The following LOC400499 variants were observed in gnomAD, a reference collection of about 807,000 sequenced individuals.
At chr16:11,396,755 C>T in the LOC400499 span, 35 of 1,150,004 alleles carry the variant, frequency 3.0e-5, no homozygotes, top group Non-Finnish European at 3.8e-5. Flanking sequence ...ACCGAGAATG[C>T]AGCAGCAGCT....
chr16:11,449,981 G>C, the LOC400499 span, among the ~76,000 whole-genome samples: 1 of 152,226 alleles, frequency 6.6e-6, no homozygotes, highest in Non-Finnish European at 1.5e-5. Flanking sequence ...TCCTGTCTTG[G>C]CATCCTCTGT....
At chr16:11,484,294 A>G in the LOC400499 span, among the ~76,000 whole-genome samples, 1 of 152,052 alleles carries the variant, frequency 6.6e-6, no homozygotes, top group African/African-American at 2.4e-5. Context: ...GGCGTGAGCC[A>G]CTACGCCCGG....
At chr16:11,448,466 C>T in the LOC400499 span, among the ~76,000 whole-genome samples, 7 of 152,118 alleles carry the variant, frequency 4.6e-5, no homozygotes, top group African/African-American at 1.7e-4. Flanking sequence ...GTAACTTGAG[C>T]CCAGGGCTTT....
chr16:11,436,893 C>T, the LOC400499 span, among the ~76,000 whole-genome samples: 2 of 152,040 alleles, frequency 1.3e-5, no homozygotes, highest in African/African-American at 2.4e-5. Flanking sequence ...CATGCCTGGC[C>T]TGGAAAGGTT....
chr16:11,462,566 T>A, the LOC400499 span: 1 of 345,800 alleles, frequency 2.9e-6, no homozygotes, highest in Non-Finnish European at 4.1e-6. Flanking sequence ...GGGATTACAG[T>A]CACGTGCCAC....
chr16:11,486,087 G>T, the LOC400499 span, among the ~76,000 whole-genome samples: 3 of 149,010 alleles, frequency 2.0e-5, no homozygotes, highest in African/African-American at 7.6e-5. Context: ...TGTATGGATG[G>T]ATGGACGGAT....
the LOC400499 span, among the ~76,000 whole-genome samples, chr16:11,514,911 T>C: frequency 6.6e-6 from 1 of 152,116 alleles, no homozygotes; most frequent in Non-Finnish European, 1.5e-5. Context: ...TAAGTGAACA[T>C]GAACAATGAT....
the LOC400499 span, among the ~76,000 whole-genome samples, chr16:11,375,539 C>G: frequency 6.8e-6 from 1 of 147,752 alleles, no homozygotes; most frequent in South Asian, 2.1e-4. Context: ...TCTCGAACTC[C>G]TGACCTCAAG....
chr16:11,506,924 A>G, the LOC400499 span, among the ~76,000 whole-genome samples: 3 of 152,086 alleles, frequency 2.0e-5, no homozygotes, highest in African/African-American at 7.2e-5. Flanking sequence ...CTGCAAAGCC[A>G]TTTCTAGCAA....
chr16:11,418,855 C>A, the LOC400499 span, among the ~76,000 whole-genome samples: 1 of 152,210 alleles, frequency 6.6e-6, no homozygotes, highest in Non-Finnish European at 1.5e-5. Flanking sequence ...CATGCCACCC[C>A]ACAATTGTCT....
At chr16:11,512,971 C>T in the LOC400499 span, among the ~76,000 whole-genome samples, 2 of 152,156 alleles carry the variant, frequency 1.3e-5, no homozygotes, top group Admixed American at 6.5e-5. Context: ...GCCTGCCCTC[C>T]AAGGTAAACG....
the LOC400499 span, chr16:11,465,357 C>A: frequency 6.6e-6 from 1 of 152,128 alleles, no homozygotes; most frequent in Admixed American, 6.5e-5. Context: ...AAATTCCTCA[C>A]CTCAAGTGAT....
the LOC400499 span, chr16:11,518,867 A>G: frequency 1.5e-5 from 6 of 399,110 alleles, no homozygotes; most frequent in Non-Finnish European, 2.7e-5. Flanking sequence ...CCCCATCGTG[A>G]GCAGGTCCCA....
At chr16:11,518,841 G>C in the LOC400499 span, 5 of 399,090 alleles carry the variant, frequency 1.3e-5, no homozygotes, top group Admixed American at 2.2e-4. Flanking sequence ...AGACGGCAGA[G>C]GGCTCACAGC....
chr16:11,501,892 C>A, the LOC400499 span, among the ~76,000 whole-genome samples: 1 of 152,178 alleles, frequency 6.6e-6, no homozygotes, highest in African/African-American at 2.4e-5. Flanking sequence ...AACCTCCAGG[C>A]TCCCCACTTA....
At chr16:11,436,233 G>A in the LOC400499 span, among the ~76,000 whole-genome samples, 12 of 152,302 alleles carry the variant, frequency 7.9e-5, no homozygotes, top group East Asian at 2.1e-3. Flanking sequence ...GGGGGCTGGT[G>A]GGGGAAGCAG....
the LOC400499 span, among the ~76,000 whole-genome samples, chr16:11,457,500 G>A: frequency 6.6e-6 from 1 of 151,426 alleles, no homozygotes; most frequent in Non-Finnish European, 1.5e-5. Context: ...GGCTGAGGCA[G>A]GAGAATGGTG....
chr16:11,462,139 C>G, the LOC400499 span: 1 of 1,518,508 alleles, frequency 6.6e-7, no homozygotes, highest in Admixed American at 2.0e-5. Flanking sequence ...CCTGGTCACT[C>G]AGCAGATGGC....
chr16:11,514,993 C>G, the LOC400499 span, among the ~76,000 whole-genome samples: 3 of 151,422 alleles, frequency 2.0e-5, no homozygotes, highest in African/African-American at 7.3e-5. Context: ...GAGACAGAGG[C>G]GGGGAGGAGG....
Sources: allele counts gnomAD v4.1 joint callset (sites outside exome capture counted in the v4.1 genomes callset), GRCh38; gene constraint gnomAD v4.1.1; transcripts MANE v1.5.